ROBO2: variants seen among roughly 807,000 people sequenced by gnomAD.
The protein encoded by ROBO2 is roundabout guidance receptor 2.
In ROBO2, 53 loss-of-function variants were observed where a neutral mutation model predicts 160.8. The ratio of observed to expected loss-of-function variants is 0.33; its 90% CI spans 0.26 to 0.41. The LOEUF (loss-of-function observed/expected upper bound fraction) is 0.41, where lower values mean the gene tolerates loss of function less well. ROBO2 is among the 10% of genes least tolerant of loss of function. ROBO2 has a pLI of 1.00. For synonymous variants in ROBO2, 664 were observed against 611.7 expected, an observed-to-expected ratio of 1.09 and a Z score of -1.26; for missense variants, 1,577 against 1,722.4, an observed-to-expected ratio of 0.92 and a Z score of 1.49.
At chr3:76,199,273 G>A (rs1031329418) in intron 2 of ROBO2, among the ~76,000 whole-genome samples, 1 of 152,082 alleles carries the variant, frequency 6.6e-6, no homozygotes, top group Non-Finnish European at 1.5e-5. Context: ...GATGTAGGAA[G>A]GAGTCAAACC....
intron 2 of ROBO2, among the ~76,000 whole-genome samples, chr3:77,098,725 C>T (rs992579674): frequency 3.9e-5 from 6 of 151,900 alleles, no homozygotes; most frequent in Admixed American, 2.6e-4. Flanking sequence ...GGCATGGTGG[C>T]GGCGCCTGTA....
chr3:77,222,169 C>A (rs1434386155), intron 2 of ROBO2, among the ~76,000 whole-genome samples: 1 of 152,134 alleles, frequency 6.6e-6, no homozygotes, highest in East Asian at 1.9e-4. Flanking sequence ...TCTCAATACA[C>A]TATCTTACTT....
intron 2 of ROBO2, among the ~76,000 whole-genome samples, chr3:76,278,056 G>A (rs1708029599): frequency 6.6e-6 from 1 of 151,704 alleles, no homozygotes. Flanking sequence ...GTCATTAAGA[G>A]GTAAACGGTG....
At chr3:76,274,443 A>G (rs1325058290) in intron 2 of ROBO2, among the ~76,000 whole-genome samples, 1 of 152,154 alleles carries the variant, frequency 6.6e-6, no homozygotes, top group East Asian at 1.9e-4. Flanking sequence ...GTTTGGCTAT[A>G]TGCTGTGTAG....
chr3:76,639,428 A>G (rs1023718346), intron 2 of ROBO2, among the ~76,000 whole-genome samples: 1 of 150,912 alleles, frequency 6.6e-6, no homozygotes, highest in Non-Finnish European at 1.5e-5. Flanking sequence ...ACATATATAA[A>G]CATATACGTG....
chr3:77,279,961 A>G (rs1316502496), intron 2 of ROBO2, among the ~76,000 whole-genome samples: 1 of 152,126 alleles, frequency 6.6e-6, no homozygotes, highest in African/African-American at 2.4e-5. Context: ...TATATAATAT[A>G]TTGGCTTCAT....
intron 2 of ROBO2, among the ~76,000 whole-genome samples, chr3:76,763,579 T>G (rs2061423096): frequency 6.6e-6 from 1 of 151,750 alleles, no homozygotes; most frequent in Non-Finnish European, 1.5e-5. Flanking sequence ...CATCTTTTTT[T>G]TTACATGTTT....
intron 2 of ROBO2, among the ~76,000 whole-genome samples, chr3:76,386,232 C>A (rs985453142): frequency 6.6e-6 from 1 of 151,982 alleles, no homozygotes; most frequent in African/African-American, 2.4e-5. Context: ...AGATTAGTTT[C>A]ACCTATGCTC....
At chr3:76,939,200 G>A (rs1475870423) in intron 2 of ROBO2, among the ~76,000 whole-genome samples, 2 of 152,122 alleles carry the variant, frequency 1.3e-5, no homozygotes, top group Admixed American at 1.3e-4. Flanking sequence ...CCCATACTTA[G>A]CATTAATAAG....
chr3:76,622,537 A>G (rs150097868), intron 2 of ROBO2, among the ~76,000 whole-genome samples: 1 of 152,114 alleles, frequency 6.6e-6, no homozygotes, highest in Admixed American at 6.5e-5. Context: ...CACTTTATCT[A>G]CAACAGGAGT....
chr3:76,335,039 T>G (rs1393793647), intron 2 of ROBO2, among the ~76,000 whole-genome samples: 1 of 152,092 alleles, frequency 6.6e-6, no homozygotes, highest in East Asian at 1.9e-4. Flanking sequence ...AAAAAAAATT[T>G]TTTTTGTTTT....
intron 1 of ROBO2, among the ~76,000 whole-genome samples, chr3:77,069,683 G>C (rs2067209529): frequency 6.6e-6 from 1 of 152,074 alleles, no homozygotes; most frequent in African/African-American, 2.4e-5. Context: ...CAGCTCCTTT[G>C]TATGAAACAC....
At chr3:76,049,403 A>ATATATATATTTTTTTTT (rs1414664360) in intron 2 of ROBO2, among the ~76,000 whole-genome samples, 1 of 53,760 alleles carries the variant, frequency 1.9e-5, no homozygotes, top group East Asian at 6.3e-4. Context: ...ATATATATAT[A>ATATATATATTTTTTTTT]TTTTTTTTTT....
At chr3:77,107,556 C>A (rs761910535) in intron 2 of ROBO2, among the ~76,000 whole-genome samples, 8 of 152,110 alleles carry the variant, frequency 5.3e-5, no homozygotes, top group Non-Finnish European at 4.4e-5. Flanking sequence ...CATCTATTTG[C>A]ATATCATTTA....
At chr3:76,337,329 A>G (rs2073957248) in intron 2 of ROBO2, among the ~76,000 whole-genome samples, 1 of 152,178 alleles carries the variant, frequency 6.6e-6, no homozygotes, top group African/African-American at 2.4e-5. Context: ...TAATACGTAA[A>G]CACTATTGGT....
chr3:76,236,497 C>A (rs1704953005), intron 2 of ROBO2, among the ~76,000 whole-genome samples: 1 of 152,112 alleles, frequency 6.6e-6, no homozygotes, highest in Non-Finnish European at 1.5e-5. Context: ...AGAACAAAAT[C>A]TGAGATGTTC....
chr3:76,648,066 C>CT lies in ROBO2; in HGVS notation c.110-449940dup, dbSNP rs1479032709. Among the ~76,000 whole-genome samples, 15 of 151,642 alleles carry CT rather than the reference C, an allele frequency of 9.9e-5. No homozygotes were observed. The East Asian group carries it at 1.7e-3, about 18-fold the overall frequency. The stretch of plus-strand genomic sequence containing the variant: ...CGTATTATTTTTTAATTCTTATATT[C>CT]TTTTTTTTAAAATTCTCATATTATT... On this transcript the variant is annotated intron_variant, in intron 2 of 26. Coordinates refer to the ROBO2 transcript ENST00000487694.
chr3:77,175,949 C>A (rs768083480), intron 2 of ROBO2, among the ~76,000 whole-genome samples: 1 of 151,778 alleles, frequency 6.6e-6, no homozygotes, highest in Non-Finnish European at 1.5e-5. Flanking sequence ...AAGTATCTAG[C>A]CAAAGGAAGT....
intron 2 of ROBO2, among the ~76,000 whole-genome samples, chr3:76,939,328 A>C (rs1323401206): frequency 2.0e-5 from 3 of 152,228 alleles, no homozygotes; most frequent in Non-Finnish European, 2.9e-5. Flanking sequence ...ATTTGGTAGA[A>C]TAAATTATCA....
Sources: allele counts gnomAD v4.1 joint callset (sites outside exome capture counted in the v4.1 genomes callset), GRCh38; gene constraint gnomAD v4.1.1; transcripts MANE v1.5; gene names NCBI Gene and HGNC (gene_info 2026-07-23, HGNC 2026-07-21).